CLEC12B: variants seen among roughly 807,000 people sequenced by gnomAD.
CLEC12B encodes macrophage antigen h.
Under a neutral mutation model 36.1 loss-of-function variants are expected in CLEC12B, and 25 were observed. The ratio of observed to expected loss-of-function variants is 0.69; its 90% CI spans 0.50 to 0.97. The LOEUF (loss-of-function observed/expected upper bound fraction) is 0.97. Ranked by LOEUF, CLEC12B falls within the 50% of genes least tolerant of loss-of-function variation. The pLI is 0.00. For missense variants in CLEC12B, 325 were observed against 318.4 expected, an observed-to-expected ratio of 1.02 and a Z score of -0.16; for synonymous variants, 110 against 108.5, an observed-to-expected ratio of 1.01 and a Z score of -0.09.
At chr12:10,006,760 A>C (rs1286142376), upstream of CLEC12B, among the ~76,000 whole-genome samples, 1 of 152,168 alleles carries the variant, frequency 6.6e-6, no homozygotes, top group Non-Finnish European at 1.5e-5. Context: ...GTTTTTTAGA[A>C]ATAGTGAAAG....
At chr12:10,014,303 T>C (rs1486545818) in intron 2 of CLEC12B, among the ~76,000 whole-genome samples, 1 of 152,146 alleles carries the variant, frequency 6.6e-6, no homozygotes, top group Non-Finnish European at 1.5e-5. Flanking sequence ...TATTAAATCA[T>C]TATTTTAATA....
upstream of CLEC12B, among the ~76,000 whole-genome samples, chr12:10,009,561 G>GAAA (rs61525971): frequency 2.3e-5 from 3 of 133,288 alleles, no homozygotes; most frequent in Non-Finnish European, 3.3e-5. Flanking sequence ...TCATCAATTT[G>GAAA]AAAAAAAAAA....
chr12:10,017,115 T>A, intron 5 of CLEC12B: 2 of 985,344 alleles, frequency 2.0e-6, no homozygotes, highest in South Asian at 9.4e-5. Flanking sequence ...ACACTTTATC[T>A]TCATCCATTT....
In CLEC12B at chr12:10,018,639, C is replaced by A. The variant is rs962640388; in HGVS notation, c.*158C>A. The A allele has an allele frequency of 2.7e-5, 17 of 628,582 alleles. No homozygotes were observed. The highest frequency in any genetic ancestry group is 4.1e-5 in the Non-Finnish European group (15 of 366,706). 38.9% of individuals were successfully genotyped at this position (628,582 alleles called of 1,614,324 possible). ...TTGTTTAACAGAACATTCTCCAGTT[C>A]CTTGTCTGACGTCTTCTGATTTGAT... On this transcript the variant is annotated 3_prime_UTR_variant, in exon 6 of 6. Transcript: ENST00000338896.
intron 2 of CLEC12B, among the ~76,000 whole-genome samples, chr12:10,014,036 G>A (rs1055039282): frequency 1.3e-5 from 2 of 152,114 alleles, no homozygotes; most frequent in African/African-American, 2.4e-5. Context: ...TATGAAAAGG[G>A]CATATTTCAT....
chr12:10,010,394 T>C (rs895794903), upstream of CLEC12B, among the ~76,000 whole-genome samples: 1 of 152,226 alleles, frequency 6.6e-6, no homozygotes, highest in African/African-American at 2.4e-5. Context: ...GAAGACAACC[T>C]GACTCTTTTC....
In CLEC12B at chr12:10,015,674, C is replaced by G; in HGVS notation, c.627C>G (p.Asp209Glu). The change falls in exon 5 of 6, where the codon GAC (aspartate) becomes GAG (glutamate). Residue 209 changes from aspartate (D) to glutamate (E), a missense_variant. Physicochemically the swap from Asp to Glu is conservative, Grantham distance 45. Transcript: ENST00000338896. ...TCTTTTGGCTGGGATTATCATGGGA[C>G]TCCTCTGGCAGAAGTTGGTTCTGGG... ...FSFFWLGLSW[D>E]SSGRSWFWED... is the part of the protein sequence containing the mutation. The G allele has an allele frequency of 6.2e-7, 1 of 1,613,766 alleles. No homozygotes were observed. The highest frequency in any genetic ancestry group is 1.1e-5 in the South Asian group (1 of 91,076).
At chr12:10,009,763 A>G (rs1865280051), upstream of CLEC12B, among the ~76,000 whole-genome samples, 1 of 151,874 alleles carries the variant, frequency 6.6e-6, no homozygotes, top group Non-Finnish European at 1.5e-5. Flanking sequence ...GTTTTAGATC[A>G]CTCCCCACTC....
upstream of CLEC12B, among the ~76,000 whole-genome samples, chr12:10,010,019 G>C (rs1865285008): frequency 6.6e-6 from 1 of 152,108 alleles, no homozygotes; most frequent in Non-Finnish European, 1.5e-5. Context: ...CTTGCTGTCT[G>C]CAGGATTATC....
rs549827927 is a variant in CLEC12B, at chr12:10,018,780, C to G, written c.*299C>G. On this transcript the variant is annotated 3_prime_UTR_variant, in exon 6 of 6. Coordinates refer to ENST00000338896, the MANE Select transcript of CLEC12B (RefSeq NM_001129998.3). The stretch of plus-strand genomic sequence containing the variant: ...TTCTTTGCTTTCTCAAATAAAGACT[C>G]CTTTCTTTCATTATTATTATACTGT... Among the ~76,000 whole-genome samples the G allele has an allele frequency of 1.3e-5, 2 of 151,950 alleles. No individual in the cohort carries two copies. The highest frequency in any genetic ancestry group is 2.9e-5 in the Non-Finnish European group (2 of 67,992).
At position 10,012,818 on chromosome 12, in the gene CLEC12B, C is replaced by A. The variant is rs1305720125; in HGVS notation, c.125C>A (p.Ala42Asp). The A allele has an allele frequency of 6.2e-7, 1 of 1,613,776 alleles. No homozygotes were observed. Among genetic ancestry groups the A allele is most frequent in the Non-Finnish European group, 8.5e-7 (1 of 1,179,874 alleles). ...GCTCCATCTCCCATTTGGCGTCATG[C>A]TGCTCTGGGTCTGGTAACTCTTTGC... ...HPAPSPIWRHAALGLVTLCLM... is the reference protein window; with the variant it reads ...HPAPSPIWRHDALGLVTLCLM... The change falls in exon 2 of 6, where the codon GCT becomes GAT. Residue 42 changes from alanine to aspartate, a missense_variant. Transcript: ENST00000338896.
At chr12:10,006,464 G>GTTT (rs764007192), upstream of CLEC12B, among the ~76,000 whole-genome samples, 4 of 147,488 alleles carry the variant, frequency 2.7e-5, no homozygotes, top group African/African-American at 1.0e-4. Context: ...TAAGTTTTTT[G>GTTT]TTTTTTTTTT....
chr12:10,016,623 A>G (rs969731676), intron 5 of CLEC12B: 1 of 261,408 alleles, frequency 3.8e-6, no homozygotes, highest in Non-Finnish European at 5.9e-6. Context: ...TTGGCATCTT[A>G]ATGGATTTTT....
chr12:10,016,021 T>C lies in CLEC12B; in HGVS notation c.680+294T>C, dbSNP rs1222709896. 3.9e-6 allele frequency: 4 copies of C among 1,038,130 alleles called. No individual in the cohort carries two copies. In the East Asian group the frequency reaches 2.0e-4, roughly 52 times the overall value. The allele number at this position is 1,038,130 out of a possible 1,614,324, so 64.3% of individuals were successfully genotyped here. ...TACTAACCCTTGAAGAAAGCAGTTA[T>C]ATTCCCATTTTATAGGTAGAAATAT... On this transcript the variant is annotated intron_variant, in intron 5 of 5. Coordinates refer to ENST00000338896, the MANE Select transcript of CLEC12B (RefSeq NM_001129998.3).
chr12:10,008,705 G>A (rs1020004846), upstream of CLEC12B, among the ~76,000 whole-genome samples: 14 of 152,300 alleles, frequency 9.2e-5, no homozygotes, highest in Admixed American at 9.1e-4. Flanking sequence ...TAGAAAGTAT[G>A]TGAGAAGTGT....
chr12:10,007,776 A>T (rs1865248260), upstream of CLEC12B, among the ~76,000 whole-genome samples: 1 of 152,246 alleles, frequency 6.6e-6, no homozygotes, highest in African/African-American at 2.4e-5. Context: ...GATTTAAACA[A>T]GCTGCATTTT....
upstream of CLEC12B, among the ~76,000 whole-genome samples, chr12:10,010,380 T>C (rs540002628): frequency 6.6e-6 from 1 of 152,338 alleles, no homozygotes; most frequent in East Asian, 1.9e-4. Context: ...TAGATAGATG[T>C]AAAGAAGACA....
At chr12:10,015,225 T>C (rs369333768) in intron 3 of CLEC12B, 27 bp from the exon 4 acceptor site, 45 of 1,591,180 alleles carry the variant, frequency 2.8e-5, no homozygotes, top group Middle Eastern at 1.7e-4. Context: ...CTTCAGTTTA[T>C]ATTATTGGGT....
At chr12:10,008,997 C>T (rs1041883652), upstream of CLEC12B, among the ~76,000 whole-genome samples, 11 of 152,234 alleles carry the variant, frequency 7.2e-5, no homozygotes, top group Admixed American at 3.9e-4. Context: ...CCACGTAAAA[C>T]GCACCGATCA....
Sources: allele counts gnomAD v4.1 joint callset (sites outside exome capture counted in the v4.1 genomes callset), GRCh38; gene constraint gnomAD v4.1.1; transcripts MANE v1.5; gene names NCBI Gene and HGNC (gene_info 2026-07-23, HGNC 2026-07-21).